Variants in HNF4G observed in about 807,000 individuals in gnomAD.
HNF4G encodes the protein hepatocyte nuclear factor 4-gamma.
HNF4G carries 21 observed loss-of-function variants against 50.9 expected under a neutral mutation model. That is an observed-to-expected ratio of 0.41 (90% CI 0.29 to 0.59). HNF4G has a LOEUF of 0.59. HNF4G is among the 20% of genes least tolerant of loss of function. The pLI is 0.26. For synonymous variants in HNF4G, 198 were observed against 185.6 expected (o/e 1.07, Z -0.54); for missense variants, 527 against 559.4 (o/e 0.94, Z 0.58).
At chr8:75,421,412 G>T (rs182331232) in intron 1 of HNF4G, among the ~76,000 whole-genome samples, 2 of 152,116 alleles carry the variant, frequency 1.3e-5, no homozygotes, top group Middle Eastern at 3.4e-3. Context: ...ACTTTGAATT[G>T]GTTTTTTAGA....
chr8:75,528,012 T>G (rs1200437182), intron 2 of HNF4G, among the ~76,000 whole-genome samples: 1 of 152,246 alleles, frequency 6.6e-6, no homozygotes, highest in Admixed American at 6.5e-5. Flanking sequence ...CCTTTAAACC[T>G]GATGGCAATA....
intron 1 of HNF4G, among the ~76,000 whole-genome samples, chr8:75,480,602 G>C (rs1812352502): frequency 6.6e-6 from 1 of 151,900 alleles, no homozygotes. Flanking sequence ...AATATATCTG[G>C]GATAATTAAG....
chr8:75,418,547 T>C (rs17303163), intron 1 of HNF4G, among the ~76,000 whole-genome samples: 8,804 of 152,226 alleles, frequency 0.058, 324 homozygotes, highest in Non-Finnish European at 0.079. Flanking sequence ...CTAACAGTCA[T>C]ATCCTCATCC....
At chr8:75,467,052 AT>A (rs965549062) in intron 1 of HNF4G, among the ~76,000 whole-genome samples, 1 of 151,590 alleles carries the variant, frequency 6.6e-6, no homozygotes, top group African/African-American at 2.4e-5. Context: ...TTTTTCTTTT[AT>A]TTTTTCGTTA....
upstream of HNF4G, among the ~76,000 whole-genome samples, chr8:75,536,462 T>A (rs1806467269): frequency 6.6e-6 from 1 of 152,040 alleles, no homozygotes; most frequent in Non-Finnish European, 1.5e-5. Context: ...TATTTTTAAC[T>A]ACTTAAGTTC....
intron 1 of HNF4G, among the ~76,000 whole-genome samples, chr8:75,486,209 A>G (rs1812493334): frequency 1.3e-5 from 2 of 152,122 alleles, no homozygotes; most frequent in South Asian, 4.1e-4. Context: ...TAACCTTACA[A>G]ATGAAACTAG....
intron 2 of HNF4G, among the ~76,000 whole-genome samples, chr8:75,505,445 T>C (rs1224657787): frequency 6.6e-6 from 1 of 152,132 alleles, no homozygotes; most frequent in Non-Finnish European, 1.5e-5. Flanking sequence ...TCTACATCAT[T>C]CTTTAACCCT....
intron 1 of HNF4G, among the ~76,000 whole-genome samples, chr8:75,424,788 C>A (rs980784709): frequency 6.6e-5 from 10 of 152,082 alleles, no homozygotes; most frequent in African/African-American, 2.4e-4. Context: ...TTATCGAATC[C>A]ACCATTGATG....
At chr8:75,523,448 T>A (rs577256494) in intron 2 of HNF4G, among the ~76,000 whole-genome samples, 24 of 152,282 alleles carry the variant, frequency 1.6e-4, no homozygotes, top group African/African-American at 5.5e-4. Context: ...TATTTTAATC[T>A]TTTATTTTAT....
At chr8:75,477,913 G>A (rs866783777) in intron 1 of HNF4G, among the ~76,000 whole-genome samples, 4 of 152,300 alleles carry the variant, frequency 2.6e-5, no homozygotes, top group South Asian at 2.1e-4. Context: ...GCTGCAGTGA[G>A]CCGAGATCGT....
chr8:75,437,656 AGAGT>A (rs1264036263), intron 1 of HNF4G, among the ~76,000 whole-genome samples: 2 of 152,180 alleles, frequency 1.3e-5, no homozygotes, highest in African/African-American at 4.8e-5. Context: ...GCCTGGCAAC[AGAGT>A]GAGACTCCGT....
chr8:75,549,193 T>C (rs944817516), intron 3 of HNF4G, among the ~76,000 whole-genome samples: 1 of 152,208 alleles, frequency 6.6e-6, no homozygotes, highest in African/African-American at 2.4e-5. Context: ...AACTGGAAAG[T>C]AATTTCAAGT....
intron 1 of HNF4G, among the ~76,000 whole-genome samples, chr8:75,413,148 G>A (rs570838975): frequency 2.2e-4 from 34 of 151,768 alleles, no homozygotes; most frequent in African/African-American, 7.7e-4. Flanking sequence ...ATTGAATGTG[G>A]GTAACAAGGA....
chr8:75,454,310 G>T (rs1209389254), intron 1 of HNF4G, among the ~76,000 whole-genome samples: 1 of 152,118 alleles, frequency 6.6e-6, no homozygotes, highest in Non-Finnish European at 1.5e-5. Context: ...ATAGTACTTT[G>T]TTACAGCAAA....
chr8:75,518,763 C>T (rs1001397450), intron 2 of HNF4G, among the ~76,000 whole-genome samples: 1 of 152,078 alleles, frequency 6.6e-6, no homozygotes, highest in African/African-American at 2.4e-5. Flanking sequence ...CCTCCTAGAC[C>T]TCCTGGCTTG....
chr8:75,545,029 C>T (rs772271386), intron 2 of HNF4G, among the ~76,000 whole-genome samples: 1 of 151,858 alleles, frequency 6.6e-6, no homozygotes, highest in South Asian at 2.1e-4. Context: ...ATATAAATTG[C>T]CCACTTTAAA....
chr8:75,539,824 C>T, upstream of HNF4G: 1 of 568,230 alleles, frequency 1.8e-6, no homozygotes, highest in Non-Finnish European at 3.2e-6. Context: ...AGTTTTACAG[C>T]CCCTCCCATT....
intron 1 of HNF4G, among the ~76,000 whole-genome samples, chr8:75,483,245 A>T (rs1812421101): frequency 7.4e-6 from 1 of 135,028 alleles, no homozygotes; most frequent in Admixed American, 7.1e-5. Context: ...ATTTCAAATA[A>T]GTCACTTAAT....
intron 1 of HNF4G, among the ~76,000 whole-genome samples, chr8:75,419,074 T>C (rs999727521): frequency 1.3e-5 from 2 of 152,192 alleles, no homozygotes; most frequent in African/African-American, 2.4e-5. Context: ...CTGCTACTTA[T>C]GTACAAACCA....
Sources: gnomAD v4.1 joint callset for allele counts (sites outside exome capture counted in the v4.1 genomes callset) on GRCh38, gnomAD v4.1.1 for gene constraint, MANE v1.5 for transcripts, NCBI Gene and HGNC (gene_info 2026-07-23, HGNC 2026-07-21) for gene names.